Variants in CCDC170 observed in about 807,000 individuals in gnomAD.
The protein encoded by CCDC170 is coiled-coil domain containing 170, also known as coiled-coil domain-containing protein 170.
CCDC170 carries 69 observed loss-of-function variants against 72.6 expected under a neutral mutation model. That is an observed-to-expected ratio of 0.95 (90% CI 0.78 to 1.16). The LOEUF is 1.16. CCDC170 is among the 50% of genes most tolerant of loss of function. The probability of loss-of-function intolerance (pLI) is 0.00; values close to 1 mark genes in which losing one functional copy is unlikely to be tolerated. For missense variants in CCDC170, 852 were observed against 832.5 expected (o/e 1.02, Z -0.29); for synonymous variants, 300 against 303.9 (o/e 0.99, Z 0.13).
Position 151,544,703 on chromosome 6 carries a change from A to T in CCDC170, c.575A>T (p.Asp192Val), listed in dbSNP as rs1344782634. Residue 192 changes from aspartate to valine, a missense_variant, in exon 4 of 11, where the codon GAT becomes GTT. Asp to Val is a radical substitution (Grantham distance 152). Coordinates refer to ENST00000239374, the MANE Select transcript of CCDC170 (RefSeq NM_025059.4). The stretch of plus-strand genomic sequence containing the variant: ...AGGAATGACAAGGCATCAGATGAAG[A>T]TTTAATTTTAAAGGTGTCTGTATGC... ...DERNDKASDE[D>V]LILKLRDLRK... The T allele has an allele frequency of 6.2e-7, 1 of 1,611,600 alleles. No individual in the cohort carries two copies. Among genetic ancestry groups the T allele is most frequent in the East Asian group, 2.2e-5 (1 of 44,788 alleles).
At chr6:151,553,412 A>G (rs1782918242) in intron 5 of CCDC170, among the ~76,000 whole-genome samples, 1 of 152,150 alleles carries the variant, frequency 6.6e-6, no homozygotes. Flanking sequence ...TAGCCATACA[A>G]ATGTCCTCAG....
At chr6:151,531,124 C>T (rs1782485338) in intron 1 of CCDC170, among the ~76,000 whole-genome samples, 1 of 151,984 alleles carries the variant, frequency 6.6e-6, no homozygotes, top group African/African-American at 2.4e-5. Flanking sequence ...TGTTGTTCCT[C>T]CAATTCATAT....
chr6:151,579,146 C>T (rs912145966), intron 6 of CCDC170, among the ~76,000 whole-genome samples: 40 of 151,730 alleles, frequency 2.6e-4, no homozygotes, highest in Admixed American at 2.4e-3. Flanking sequence ...TGCATTTTGT[C>T]CCATAGAATA....
At position 151,585,657 on chromosome 6, in the gene CCDC170, G is replaced by T. The variant is rs371014295; in HGVS notation, c.1093-232G>T. Among the ~76,000 whole-genome samples the T allele has an allele frequency of 1.4e-4, 21 of 152,086 alleles. No homozygotes were observed. In the East Asian group the frequency reaches 3.9e-3, roughly 28 times the overall value. ...ATTTTTATTGATTAACCTGATAAAA[G>T]AATTATATAAAAATTAAAAATACCA... On this transcript the variant is annotated intron_variant, in intron 6 of 10. Transcript: ENST00000239374.
At chr6:151,580,078 A>G (rs1776359450) in intron 6 of CCDC170, among the ~76,000 whole-genome samples, 1 of 152,106 alleles carries the variant, frequency 6.6e-6, no homozygotes, top group Non-Finnish European at 1.5e-5. Flanking sequence ...TACTGCAGTT[A>G]CTCTGGGCAT....
At chr6:151,555,081 A>C (rs66775662) in intron 5 of CCDC170, among the ~76,000 whole-genome samples, 23,638 of 151,258 alleles carry the variant, frequency 0.16, 2,270 homozygotes, top group East Asian at 0.46. Flanking sequence ...GTTTCAATTC[A>C]CTATGTTGGC....
chr6:151,528,763 A>G (rs1479706827), intron 1 of CCDC170, among the ~76,000 whole-genome samples: 1 of 151,794 alleles, frequency 6.6e-6, no homozygotes, highest in Non-Finnish European at 1.5e-5. Flanking sequence ...GCTTGAATAC[A>G]GGAGGTAGAG....
intron 1 of CCDC170, among the ~76,000 whole-genome samples, chr6:151,524,363 C>T: frequency 6.6e-6 from 1 of 152,172 alleles, no homozygotes; most frequent in Non-Finnish European, 1.5e-5. Context: ...CTCAGTGATT[C>T]TCCTTTTGAC....
chr6:151,617,408 C>CTTTTTTTT (rs745655791), intron 10 of CCDC170, among the ~76,000 whole-genome samples: 9 of 91,468 alleles, frequency 9.8e-5, no homozygotes, highest in Non-Finnish European at 1.1e-4. Context: ...GCTGTTTGTT[C>CTTTTTTTT]TTTTTTTTTT....
chr6:151,589,411 C>T (rs1776501947), intron 7 of CCDC170, among the ~76,000 whole-genome samples: 1 of 152,208 alleles, frequency 6.6e-6, no homozygotes, highest in Non-Finnish European at 1.5e-5. Context: ...ACACTCAAAA[C>T]TGAAATGACA....
intron 10 of CCDC170, among the ~76,000 whole-genome samples, chr6:151,617,045 G>A (rs1034199561): frequency 2.0e-5 from 3 of 152,190 alleles, no homozygotes; most frequent in Non-Finnish European, 4.4e-5. Context: ...GGGTTGCAGA[G>A]CAAATGAGCC....
chr6:151,587,766 C>T (rs372503566), intron 7 of CCDC170, among the ~76,000 whole-genome samples: 123 of 152,168 alleles, frequency 8.1e-4, no homozygotes, highest in African/African-American at 2.8e-3. Flanking sequence ...TGCAATAGTG[C>T]AATTAGTGCA....
At chr6:151,501,412 T>C (rs1781992675) in intron 1 of CCDC170, among the ~76,000 whole-genome samples, 1 of 152,202 alleles carries the variant, frequency 6.6e-6, no homozygotes. Flanking sequence ...ATTACCTTAG[T>C]TGTATAAGTC....
At position 151,615,452 on chromosome 6, in the gene CCDC170, T is replaced by G; in HGVS notation, c.1720T>G (p.Leu574Val). The change falls in exon 10 of 11, where the codon TTG (leucine) becomes GTG (valine). Residue 574 changes from leucine (L) to valine (V), a missense_variant. Coordinates refer to ENST00000239374, the MANE Select transcript of CCDC170 (RefSeq NM_025059.4). ...TCTCTTGACTTTCTAGATTAAAACT[T>G]TGGAACAGACTAAAGCCATTGAAGA... ...ADTNELKIKT[L>V]EQTKAIEDLN... The G allele has an allele frequency of 1.2e-6, 2 of 1,611,972 alleles. No individual in the cohort carries two copies. The highest frequency in any genetic ancestry group is 1.7e-6 in the Non-Finnish European group (2 of 1,178,552).
At chr6:151,578,547 A>C (rs1282723954) in intron 6 of CCDC170, among the ~76,000 whole-genome samples, 1 of 152,082 alleles carries the variant, frequency 6.6e-6, no homozygotes, top group Non-Finnish European at 1.5e-5. Context: ...CCTCGTTTTC[A>C]CTTCATCACC....
At chr6:151,600,239 C>A (rs1428884067) in intron 9 of CCDC170, among the ~76,000 whole-genome samples, 1 of 152,190 alleles carries the variant, frequency 6.6e-6, no homozygotes, top group African/African-American at 2.4e-5. Flanking sequence ...TATCAGCTAT[C>A]CACCATTGTA....
At chr6:151,599,890 G>A (rs1256936631) in intron 9 of CCDC170, among the ~76,000 whole-genome samples, 1 of 152,232 alleles carries the variant, frequency 6.6e-6, no homozygotes, top group East Asian at 1.9e-4. Flanking sequence ...TGGATGAAAA[G>A]AAGAGAGTTA....
chr6:151,494,903 T>C (rs1003086834), intron 1 of CCDC170, among the ~76,000 whole-genome samples: 7 of 152,264 alleles, frequency 4.6e-5, no homozygotes, highest in Admixed American at 2.6e-4. Flanking sequence ...CCTTTGGCCT[T>C]GGCATCGGGG....
intron 3 of CCDC170, among the ~76,000 whole-genome samples, chr6:151,539,620 T>C (rs1354989655): frequency 6.6e-6 from 1 of 152,224 alleles, no homozygotes; most frequent in Non-Finnish European, 1.5e-5. Context: ...TTTACTCTCT[T>C]GGTGATATCA....
Sources: allele counts gnomAD v4.1 joint callset (sites outside exome capture counted in the v4.1 genomes callset), GRCh38; gene constraint gnomAD v4.1.1; transcripts MANE v1.5; gene names NCBI Gene and HGNC (gene_info 2026-07-23, HGNC 2026-07-21).